Variants in TMEFF1 observed in about 807,000 individuals in gnomAD.
The protein encoded by TMEFF1 is tomoregulin-1.
A neutral mutation model predicts 47.5 loss-of-function variants in TMEFF1; 20 were observed. The ratio of observed to expected loss-of-function variants is 0.42; its 90% CI spans 0.30 to 0.61. TMEFF1 has a LOEUF of 0.61. TMEFF1 is among the 20% of genes least tolerant of loss of function. The pLI, the probability that TMEFF1 is intolerant of heterozygous loss-of-function variation, is 0.19. For missense variants in TMEFF1, 411 were observed against 471.1 expected (o/e 0.87, Z 1.18); for synonymous variants, 162 against 166.3 (o/e 0.97, Z 0.20).
intron 5 of TMEFF1, among the ~76,000 whole-genome samples, chr9:100,524,775 G>A (rs970192267): frequency 8.6e-5 from 13 of 151,956 alleles, no homozygotes; most frequent in Non-Finnish European, 1.3e-4. Flanking sequence ...TTTAAGTTCT[G>A]GGGCACATGT....
intron 8 of TMEFF1, among the ~76,000 whole-genome samples, chr9:100,565,836 T>G (rs1564029019): frequency 6.6e-6 from 1 of 152,208 alleles, no homozygotes; most frequent in Non-Finnish European, 1.5e-5. Context: ...CTCCTCATTC[T>G]CATTCCCACC....
chr9:100,530,853 A>C (rs939536714), intron 5 of TMEFF1, among the ~76,000 whole-genome samples: 75 of 152,190 alleles, frequency 4.9e-4, no homozygotes, highest in African/African-American at 1.6e-3. Flanking sequence ...TACTGGCAAA[A>C]CGAATCCAGC....
At chr9:100,560,247 T>A (rs1321067236) in intron 7 of TMEFF1, among the ~76,000 whole-genome samples, 2 of 152,220 alleles carry the variant, frequency 1.3e-5, no homozygotes, top group Non-Finnish European at 2.9e-5. Flanking sequence ...ATTTGTTATC[T>A]CCTTTAGTCC....
intron 3 of TMEFF1, 128 bp from the exon 4 acceptor site, chr9:100,513,178 CA>C: frequency 7.7e-7 from 1 of 1,291,718 alleles, no homozygotes; most frequent in Middle Eastern, 2.7e-4. Context: ...AATAAGATAT[CA>C]AAAATATGAG....
chr9:100,537,542 A>C (rs1838541937), intron 5 of TMEFF1, among the ~76,000 whole-genome samples: 1 of 152,186 alleles, frequency 6.6e-6, no homozygotes, highest in African/African-American at 2.4e-5. Flanking sequence ...GTGAGATAGT[A>C]AGCTGTCTAT....
chr9:100,490,664 A>G (rs1837530838), intron 1 of TMEFF1, among the ~76,000 whole-genome samples: 1 of 151,816 alleles, frequency 6.6e-6, no homozygotes, highest in African/African-American at 2.4e-5. Flanking sequence ...TGGTATAGCA[A>G]ACTGTCTCTG....
At chr9:100,518,873 T>A (rs1368012924) in intron 5 of TMEFF1, among the ~76,000 whole-genome samples, 1 of 152,194 alleles carries the variant, frequency 6.6e-6, no homozygotes, top group African/African-American at 2.4e-5. Context: ...TATCTAAAGG[T>A]AATTTTTACC....
In TMEFF1 at chr9:100,516,752, G is replaced by A. The variant is rs887936961; in HGVS notation, c.541G>A (p.Glu181Lys). ...GPCKYKAECD[E>K]DAENVGCVCN... The stretch of plus-strand genomic sequence containing the variant: ...CTGCAAATATAAAGCTGAGTGTGAT[G>A]AAGATGCAGAAAATGTTGGGTGAGT... Residue 181 changes from glutamate to lysine, a missense_variant, in exon 5 of 10, where the codon GAA becomes AAA. Glu to Lys is a moderately conservative substitution (Grantham distance 56, BLOSUM62 1). Transcript: ENST00000374879. 6.2e-7 allele frequency: 1 copy of A among 1,613,246 alleles called. No homozygotes were observed. Among genetic ancestry groups the A allele is most frequent in the Non-Finnish European group, 8.5e-7 (1 of 1,179,760 alleles).
At chr9:100,550,544 C>T (rs1258968650) in intron 7 of TMEFF1, among the ~76,000 whole-genome samples, 1 of 152,176 alleles carries the variant, frequency 6.6e-6, no homozygotes, top group Non-Finnish European at 1.5e-5. Flanking sequence ...TCTTTATTTC[C>T]TTTCCTGATT....
intron 2 of TMEFF1, among the ~76,000 whole-genome samples, chr9:100,506,778 A>C (rs1236503286): frequency 1.3e-5 from 2 of 151,606 alleles, no homozygotes; most frequent in African/African-American, 2.4e-5. Flanking sequence ...AAAAAAAAAA[A>C]AAAAAAAAAA....
chr9:100,484,394 C>T (rs1175599201), intron 1 of TMEFF1, among the ~76,000 whole-genome samples: 2 of 151,600 alleles, frequency 1.3e-5, no homozygotes, highest in African/African-American at 4.8e-5. Context: ...CTTGGCTCAC[C>T]GCAACCTCTG....
At chr9:100,531,341 C>T (rs1365620271) in intron 5 of TMEFF1, among the ~76,000 whole-genome samples, 5 of 152,176 alleles carry the variant, frequency 3.3e-5, no homozygotes, top group African/African-American at 9.7e-5. Context: ...GAAAACCCGA[C>T]TGTCTCAGCC....
chr9:100,516,174 T>C (rs548228691), intron 4 of TMEFF1, among the ~76,000 whole-genome samples: 4 of 152,294 alleles, frequency 2.6e-5, no homozygotes, highest in South Asian at 2.1e-4. Flanking sequence ...TGGAGATAAG[T>C]ATTTTTTTTT....
At chr9:100,543,700 G>GA (rs1447379374) in intron 5 of TMEFF1, among the ~76,000 whole-genome samples, 78 of 107,244 alleles carry the variant, frequency 7.3e-4, no homozygotes, top group African/African-American at 3.0e-3. Context: ...AGCTGATGAA[G>GA]TAAAACACAC....
Position 100,473,767 on chromosome 9 carries a change from G to T in TMEFF1, c.196+27G>T. 1 of 1,462,304 alleles carries T rather than the reference G, an allele frequency of 6.8e-7. No individual in the cohort carries two copies. The highest frequency in any genetic ancestry group is 9.1e-7 in the Non-Finnish European group (1 of 1,098,148). The allele number at this position is 1,462,304 out of a possible 1,614,324, so 90.6% of individuals were successfully genotyped here. On this transcript the variant is annotated intron_variant, in intron 1 of 9. Coordinates refer to ENST00000374879, the MANE Select transcript of TMEFF1 (RefSeq NM_003692.5). This position sits in a 1 kb window ranked among gnomAD's most constrained non-coding sequence, Gnocchi z 5.4. ...TAGGACCGGTCGGAGCCGGCCCTAG[G>T]TCTTCCCACCCCTCCGTTGCCGCCT...
rs572581079 is a variant in TMEFF1 at position 100,477,600 on chromosome 9, T to C, written c.196+3860T>C. ...CATAGCAGGTTTACCCACAGATGTT[T>C]TTCTGGATCTGCATTCCGCCTTTTT... On this transcript the variant is annotated intron_variant, in intron 1 of 9. Transcript: ENST00000374879. Among the ~76,000 whole-genome samples the C allele has an allele frequency of 8.7e-4, 133 of 152,088 alleles. 1 individual carries two copies. Among genetic ancestry groups the C allele is most frequent in the South Asian group, 5.2e-3 (25 of 4,812 alleles).
rs1837914622 is a variant in TMEFF1, at chr9:100,509,114, C to G, written c.416C>G (p.Ala139Gly). ...CACCAGAAAGAGATAACAGTAATAG[C>G]AAGAGGACCATGCTACTCTGGTATG... Reference protein sequence around the residue: ...CKHQKEITVIARGPCYSDNGS... With the variant: ...CKHQKEITVIGRGPCYSDNGS... Residue 139 changes from alanine (A) to glycine (G), a missense_variant, in exon 3 of 10, where the codon GCA becomes GGA. By Grantham distance (60) the Ala-to-Gly change is moderately conservative. Transcript: ENST00000374879. 6.3e-7 allele frequency: 1 copy of G among 1,577,654 alleles called. No homozygotes were observed. Among genetic ancestry groups the G allele is most frequent in the African/African-American group, 1.4e-5 (1 of 72,762 alleles).
At chr9:100,484,966 C>T (rs982079706) in intron 1 of TMEFF1, among the ~76,000 whole-genome samples, 114 of 152,288 alleles carry the variant, frequency 7.5e-4, no homozygotes, top group African/African-American at 2.7e-3. Flanking sequence ...CATGAGCTAC[C>T]AACCCTGGCC....
intron 9 of TMEFF1, among the ~76,000 whole-genome samples, chr9:100,576,189 A>G (rs1208053447): frequency 6.6e-6 from 1 of 152,120 alleles, no homozygotes; most frequent in African/African-American, 2.4e-5. Flanking sequence ...CACTGTGACT[A>G]GGGAGTTTCT....
Sources: gnomAD v4.1 joint callset for allele counts (sites outside exome capture counted in the v4.1 genomes callset) on GRCh38, gnomAD v4.1.1 for gene constraint, Gnocchi (gnomAD v3.1) non-coding constraint, MANE v1.5 for transcripts, NCBI Gene and HGNC (gene_info 2026-07-23, HGNC 2026-07-21) for gene names.